The following KIAA0825 variants were observed in gnomAD, a reference collection of about 807,000 sequenced individuals.
The protein encoded by KIAA0825 is uncharacterized protein KIAA0825.
Under a neutral mutation model 147.6 loss-of-function variants are expected in KIAA0825, and 119 were observed. The observed-to-expected ratio is 0.81, with a 90% confidence interval of 0.69 to 0.94. The LOEUF (loss-of-function observed/expected upper bound fraction) is 0.94. Among genes scored for constraint, KIAA0825 ranks in the 40% least tolerant of loss-of-function variants. The pLI, the probability that KIAA0825 is intolerant of heterozygous loss-of-function variation, is 0.00. For synonymous variants in KIAA0825, 470 were observed against 518.1 expected, an observed-to-expected ratio of 0.91 and a Z score of 1.26; for missense variants, 1,381 against 1,472.7, an observed-to-expected ratio of 0.94 and a Z score of 1.02.
chr5:94,400,434 T>G (rs528920069), intron 16 of KIAA0825, among the ~76,000 whole-genome samples: 13 of 152,116 alleles, frequency 8.5e-5, no homozygotes, highest in Non-Finnish European at 1.5e-4. Context: ...CTTTGTGTAT[T>G]TCTGTCATCA....
intron 20 of KIAA0825, among the ~76,000 whole-genome samples, chr5:94,370,944 AC>A (rs1404586777): frequency 6.6e-6 from 1 of 151,904 alleles, no homozygotes; most frequent in Non-Finnish European, 1.5e-5. Context: ...AAACAAAAAA[AC>A]GTAGTGTCAT....
Position 94,547,509 on chromosome 5 carries a change from G to A in KIAA0825, c.-1-10382C>T, listed in dbSNP as rs558791850. Among the ~76,000 whole-genome samples the A allele has an allele frequency of 3.5e-4, 54 of 152,206 alleles. No homozygotes were observed. In the Middle Eastern group the frequency reaches 0.017, roughly 48 times the overall value. On this transcript the variant is annotated intron_variant, in intron 2 of 20. Transcript: ENST00000682413. ...TCCCAGCATTTTGGGAGGCCAAGGC[G>A]GGTGGATTGCCAGGTCAGGGGTTCA... is the stretch of plus-strand genomic sequence containing the variant.
At chr5:94,323,084 G>A (rs1467952338) in intron 20 of KIAA0825, among the ~76,000 whole-genome samples, 3 of 151,778 alleles carry the variant, frequency 2.0e-5, no homozygotes, top group African/African-American at 7.3e-5. Context: ...TTTACTGCTC[G>A]ATGGATATGG....
chr5:94,302,663 A>T (rs1308716781), intron 20 of KIAA0825, among the ~76,000 whole-genome samples: 1 of 151,966 alleles, frequency 6.6e-6, no homozygotes, highest in African/African-American at 2.4e-5. Context: ...ATATGATTGT[A>T]TGAATAAATT....
chr5:94,365,585 A>C (rs940278146), intron 20 of KIAA0825, among the ~76,000 whole-genome samples: 3 of 152,170 alleles, frequency 2.0e-5, no homozygotes, highest in African/African-American at 7.2e-5. Flanking sequence ...GCAAAGCCAT[A>C]ACTGAGAAAA....
intron 1 of KIAA0825, among the ~76,000 whole-genome samples, chr5:94,603,872 G>A (rs754782017): frequency 2.0e-5 from 3 of 152,140 alleles, no homozygotes; most frequent in Non-Finnish European, 4.4e-5. Flanking sequence ...AATAAGAAGA[G>A]CTAAATACCC....
At chr5:94,271,456 T>A (rs1776980576) in intron 20 of KIAA0825, among the ~76,000 whole-genome samples, 1 of 151,980 alleles carries the variant, frequency 6.6e-6, no homozygotes, top group Admixed American at 6.6e-5. Flanking sequence ...GATCAAAAGA[T>A]CTGAATAGAG....
At chr5:94,341,681 G>A (rs1782407452) in intron 20 of KIAA0825, among the ~76,000 whole-genome samples, 1 of 151,986 alleles carries the variant, frequency 6.6e-6, no homozygotes, top group Non-Finnish European at 1.5e-5. Flanking sequence ...GATTAAGAGA[G>A]GTGAAGAGAG....
chr5:94,614,897 A>G (rs777459735), intron 1 of KIAA0825, among the ~76,000 whole-genome samples: 43 of 152,162 alleles, frequency 2.8e-4, no homozygotes, highest in Non-Finnish European at 5.6e-4. Context: ...TGCAAGACTG[A>G]GCAAGAAAAA....
In KIAA0825 at chr5:94,617,622, G is replaced by A. The variant is rs143992283; in HGVS notation, c.-153+878C>T. Among the ~76,000 whole-genome samples, 604 of 152,268 alleles carry A rather than the reference G, an allele frequency of 4.0e-3. 3 individuals carry two copies. The highest frequency in any genetic ancestry group is 5.6e-3 in the Non-Finnish European group (384 of 68,020). On this transcript the variant is annotated intron_variant, in intron 1 of 20. Transcript: ENST00000682413. ...GCTGCCTTTTACGGGGGTTGGTGGG[G>A]AGGTAATTATCTAAATATAAGGTGG...
intron 13 of KIAA0825, among the ~76,000 whole-genome samples, chr5:94,441,496 A>T (rs1393266836): frequency 6.6e-6 from 1 of 150,916 alleles, no homozygotes; most frequent in East Asian, 1.9e-4. Context: ...CTCAAAATTC[A>T]TATGTTGAAA....
At chr5:94,578,605 T>A (rs970905307) in intron 2 of KIAA0825, among the ~76,000 whole-genome samples, 1 of 152,240 alleles carries the variant, frequency 6.6e-6, no homozygotes, top group Non-Finnish European at 1.5e-5. Flanking sequence ...GATCTCATTA[T>A]AATGCTCTTG....
intron 20 of KIAA0825, among the ~76,000 whole-genome samples, chr5:94,264,943 T>C (rs1583986055): frequency 6.6e-6 from 1 of 152,084 alleles, no homozygotes; most frequent in East Asian, 1.9e-4. Context: ...CCACCATGCC[T>C]GGCTAATTTT....
chr5:94,508,810 C>T (rs1196360888), intron 5 of KIAA0825, among the ~76,000 whole-genome samples: 1 of 152,218 alleles, frequency 6.6e-6, no homozygotes, highest in African/African-American at 2.4e-5. Flanking sequence ...CAGTTCCTTG[C>T]TGACCCCTGA....
intron 7 of KIAA0825, among the ~76,000 whole-genome samples, chr5:94,476,436 G>C (rs1761903132): frequency 6.6e-6 from 1 of 152,190 alleles, no homozygotes; most frequent in Admixed American, 6.5e-5. Flanking sequence ...AGCCCAAGCA[G>C]ACCTGCCAGG....
intron 5 of KIAA0825, among the ~76,000 whole-genome samples, chr5:94,501,462 C>T (rs1765077587): frequency 6.6e-6 from 1 of 152,172 alleles, no homozygotes; most frequent in Admixed American, 6.5e-5. Flanking sequence ...TACATAACTG[C>T]CAAGTGGCAA....
At chr5:94,610,744 A>G (rs949570003) in intron 1 of KIAA0825, among the ~76,000 whole-genome samples, 7 of 141,120 alleles carry the variant, frequency 5.0e-5, no homozygotes, top group Non-Finnish European at 7.6e-5. Context: ...AGCCTGGGTG[A>G]CAGAGCGAGA....
intron 12 of KIAA0825, 66 bp downstream of exon 12, chr5:94,462,321 A>T (rs1440113638): frequency 1.2e-6 from 1 of 842,320 alleles, no homozygotes; most frequent in Non-Finnish European, 1.7e-6. Context: ...CATAAGTGTT[A>T]TGAAAATAAC....
At chr5:94,333,332 T>C (rs1432065986) in intron 20 of KIAA0825, among the ~76,000 whole-genome samples, 1 of 152,134 alleles carries the variant, frequency 6.6e-6, no homozygotes, top group South Asian at 2.1e-4. Context: ...ATTGCCTAGG[T>C]TTTCTTCTAG....
Sources: allele counts gnomAD v4.1 joint callset (sites outside exome capture counted in the v4.1 genomes callset), GRCh38; gene constraint gnomAD v4.1.1; transcripts MANE v1.5; gene names NCBI Gene and HGNC (gene_info 2026-07-23, HGNC 2026-07-21).